ANGPT1: variants seen among roughly 807,000 people sequenced by gnomAD.
ANGPT1 encodes the protein angiopoietin 1, also known as angiopoietin-1.
Under a neutral mutation model 62.2 loss-of-function variants are expected in ANGPT1, and 17 were observed. That is an observed-to-expected ratio of 0.27 (90% confidence interval 0.19 to 0.41). The LOEUF is 0.41. ANGPT1 is among the 10% of genes least tolerant of loss of function. The pLI is 1.00. For synonymous variants in ANGPT1, 199 were observed against 198.9 expected (o/e 1.00, Z 0.00); for missense variants, 478 against 594.9 (o/e 0.80, Z 2.04).
rs554150613 is a variant in ANGPT1, at chr8:107,491,780, A to G, written c.297+5482T>C. On this transcript the variant is annotated intron_variant, in intron 1 of 8. Coordinates refer to ENST00000517746, the MANE Select transcript of ANGPT1 (RefSeq NM_001146.5). ...ATTCAGATTTTATTCCTATGTAATG[A>G]GAAGTTGTAGGAGGATTTTAAGGGG... Among the ~76,000 whole-genome samples the G allele has an allele frequency of 2.0e-5, 3 of 152,318 alleles. No individual in the cohort carries two copies. The East Asian group carries it at 5.8e-4, about 29-fold the overall frequency.
rs147577621 is a variant in ANGPT1 at position 107,351,144 on chromosome 8, A to G, written c.298-4047T>C. Reference sequence around the variant, plus strand: ...TCAACCTGAATAATAAAATTATTTGACTATACTGCCATGCCAGAGTTTTAT... The same window carrying G: ...TCAACCTGAATAATAAAATTATTTGGCTATACTGCCATGCCAGAGTTTTAT... On this transcript the variant is annotated intron_variant, in intron 1 of 8. Transcript: ENST00000517746. Among the ~76,000 whole-genome samples, 34 of 152,256 alleles carry G rather than the reference A, an allele frequency of 2.2e-4. No homozygotes were observed. The East Asian group carries it at 6.0e-3, about 27-fold the overall frequency.
intron 4 of ANGPT1, among the ~76,000 whole-genome samples, chr8:107,317,928 G>A (rs1367254708): frequency 2.6e-5 from 4 of 152,144 alleles, no homozygotes; most frequent in Non-Finnish European, 5.9e-5. Context: ...ACCGCGCCTG[G>A]CCAACTAGTG....
At position 107,251,667 on chromosome 8, in the gene ANGPT1, G is replaced by T; in HGVS notation, c.*188C>A. 1.5e-6 allele frequency: 1 copy of T among 666,958 alleles called. No homozygotes were observed. Among genetic ancestry groups the T allele is most frequent in the Non-Finnish European group, 2.5e-6 (1 of 407,058 alleles). 41.3% of individuals were successfully genotyped at this position (666,958 alleles called of 1,614,324 possible). On this transcript the variant is annotated 3_prime_UTR_variant, in exon 9 of 9. Transcript: ENST00000517746. ...AGCCACGTGAGCACTGTCACCCCAA[G>T]TAGAGACTCTTGTGAACTCAAACGG...
chr8:107,261,471 C>T (rs1467097274), intron 8 of ANGPT1, among the ~76,000 whole-genome samples: 5 of 151,306 alleles, frequency 3.3e-5, no homozygotes, highest in Admixed American at 6.6e-5. Context: ...TTTGGGAGGC[C>T]GAGGCGGTCG....
intron 3 of ANGPT1, among the ~76,000 whole-genome samples, chr8:107,327,061 G>A (rs548881522): frequency 6.6e-6 from 1 of 152,090 alleles, no homozygotes; most frequent in South Asian, 2.1e-4. Flanking sequence ...TAGTTGTTCT[G>A]GGAGCTTATC....
intron 4 of ANGPT1, among the ~76,000 whole-genome samples, chr8:107,319,550 T>A (rs2130053520): frequency 6.6e-6 from 1 of 151,808 alleles, no homozygotes; most frequent in East Asian, 1.9e-4. Context: ...TTACATATAA[T>A]CCTTCAATAA....
chr8:107,420,902 T>A lies in ANGPT1; in HGVS notation c.298-73805A>T, dbSNP rs542783102. On this transcript the variant is annotated intron_variant, in intron 1 of 8. Transcript: ENST00000517746. Reference sequence around the variant, plus strand: ...CCCTGCTAATCATCAAAAGAAATGATTTCATATGAAAATTATATTTATTCA... The same window carrying A: ...CCCTGCTAATCATCAAAAGAAATGAATTCATATGAAAATTATATTTATTCA... 3.3e-5 allele frequency among the ~76,000 whole-genome samples: 5 copies of A among 152,212 alleles called. No individual in the cohort carries two copies. The East Asian group carries it at 9.6e-4, about 29-fold the overall frequency.
At chr8:107,382,553 A>G (rs180705626) in intron 1 of ANGPT1, among the ~76,000 whole-genome samples, 24 of 152,058 alleles carry the variant, frequency 1.6e-4, no homozygotes, top group Admixed American at 5.9e-4. Context: ...AAAAGTCCCT[A>G]TTTATAGCAT....
rs1406415089 is a variant in ANGPT1 at position 107,294,048 on chromosome 8, G to T, written c.937-11C>A. 1.9e-6 allele frequency: 3 copies of T among 1,593,646 alleles called. No homozygotes were observed. The highest frequency in any genetic ancestry group is 2.6e-6 in the Non-Finnish European group (3 of 1,167,338). ...CATATTGCAAAACACCTGACAAATGGAAAACAAAGTCAAGTAAAAAATACT... is the reference window on the plus strand; with the variant it reads ...CATATTGCAAAACACCTGACAAATGTAAAACAAAGTCAAGTAAAAAATACT... On this transcript the variant is annotated splice_polypyrimidine_tract_variant and intron_variant, in intron 5 of 8. Transcript: ENST00000517746.
At chr8:107,472,407 T>C (rs1488185701) in intron 1 of ANGPT1, among the ~76,000 whole-genome samples, 21 of 152,098 alleles carry the variant, frequency 1.4e-4, no homozygotes, top group Non-Finnish European at 5.9e-5. Flanking sequence ...ACATAAACTA[T>C]TTTAAATTCT....
intron 8 of ANGPT1, among the ~76,000 whole-genome samples, chr8:107,252,403 G>A (rs1284044631): frequency 6.6e-6 from 1 of 152,182 alleles, no homozygotes; most frequent in Non-Finnish European, 1.5e-5. Flanking sequence ...TCTTAAGACT[G>A]TTATTGGGAA....
chr8:107,274,736 T>C (rs1375827410), intron 7 of ANGPT1, among the ~76,000 whole-genome samples: 2 of 152,154 alleles, frequency 1.3e-5, no homozygotes, highest in African/African-American at 2.4e-5. Context: ...AGAATTGCCA[T>C]GTATTAGTCA....
At chr8:107,409,026 A>G (rs1469062087) in intron 1 of ANGPT1, among the ~76,000 whole-genome samples, 2 of 151,902 alleles carry the variant, frequency 1.3e-5, no homozygotes, top group East Asian at 3.9e-4. Flanking sequence ...ATCCTCCTCA[A>G]ATTTGGAAAG....
At chr8:107,474,784 C>A (rs891122032) in intron 1 of ANGPT1, among the ~76,000 whole-genome samples, 2 of 152,124 alleles carry the variant, frequency 1.3e-5, no homozygotes, top group Non-Finnish European at 1.5e-5. Flanking sequence ...TTCTTATACA[C>A]CAATGGTAGA....
Position 107,284,639 on chromosome 8 carries a change from C to T in ANGPT1, c.1205+43G>A, listed in dbSNP as rs774864644. On this transcript the variant is annotated intron_variant, in intron 7 of 8. Coordinates refer to ENST00000517746, the MANE Select transcript of ANGPT1 (RefSeq NM_001146.5). ...TTTTCCCACTACAATTATTAAGTGG[C>T]TAGGTAAAAGGTAGTCGAACACTAC... 3.0e-6 allele frequency: 4 copies of T among 1,355,790 alleles called. No homozygotes were observed. The South Asian group carries it at 8.7e-5, about 30-fold the overall frequency. The allele number at this position is 1,355,790 out of a possible 1,614,324, so 84.0% of individuals were successfully genotyped here. A position where few individuals can be genotyped will look rare whatever the true frequency, so the allele number is the denominator to read the frequency against.
chr8:107,420,337 C>G (rs1442665109), intron 1 of ANGPT1, among the ~76,000 whole-genome samples: 1 of 152,072 alleles, frequency 6.6e-6, no homozygotes, highest in Non-Finnish European at 1.5e-5. Flanking sequence ...GTTTCTAATC[C>G]TTGGCCAAGG....
chr8:107,278,004 T>C (rs997329337), intron 7 of ANGPT1, among the ~76,000 whole-genome samples: 1 of 152,180 alleles, frequency 6.6e-6, no homozygotes, highest in African/African-American at 2.4e-5. Flanking sequence ...TTAAAAATTG[T>C]TTATTGACTC....
intron 7 of ANGPT1, among the ~76,000 whole-genome samples, chr8:107,274,592 G>C (rs1315676550): frequency 6.6e-6 from 1 of 152,076 alleles, no homozygotes; most frequent in Non-Finnish European, 1.5e-5. Context: ...TCTTATTTAA[G>C]CAACAACAAT....
chr8:107,293,882 G>T, intron 6 of ANGPT1, 54 bp downstream of exon 6: 1 of 1,399,430 alleles, frequency 7.1e-7, no homozygotes, highest in Non-Finnish European at 1.0e-6. Flanking sequence ...ATAGTATGGA[G>T]AAGATAACTT....
Sources: allele counts gnomAD v4.1 joint callset (sites outside exome capture counted in the v4.1 genomes callset), GRCh38; gene constraint gnomAD v4.1.1; transcripts MANE v1.5; gene names NCBI Gene and HGNC (gene_info 2026-07-23, HGNC 2026-07-21).